ST3GAL2: variants seen among roughly 807,000 people sequenced by gnomAD.
The protein encoded by ST3GAL2 is CMP-N-acetylneuraminate-beta-galactosamide-alpha-2,3-sialyltransferase 2.
A neutral mutation model predicts 37.5 loss-of-function variants in ST3GAL2; 16 were observed. That is an observed-to-expected ratio of 0.43 (90% CI 0.29 to 0.65). ST3GAL2 has a LOEUF of 0.65. Among genes scored for constraint, ST3GAL2 ranks in the 30% least tolerant of loss-of-function variants. The pLI is 0.17. For missense variants in ST3GAL2, 383 were observed against 487.8 expected, an observed-to-expected ratio of 0.79 and a Z score of 2.02; for synonymous variants, 238 against 202.9, an observed-to-expected ratio of 1.17 and a Z score of -1.47.
At chr16:70,414,524 C>G (rs2151671275) in intron 1 of ST3GAL2, among the ~76,000 whole-genome samples, 1 of 152,332 alleles carries the variant, frequency 6.6e-6, no homozygotes, top group East Asian at 1.9e-4. Flanking sequence ...GATGGAAGGC[C>G]CATCTGACTC....
chr16:70,413,558 T>TAAAA (rs2047654099), intron 1 of ST3GAL2, among the ~76,000 whole-genome samples: 2 of 15,366 alleles, frequency 1.3e-4, no homozygotes, highest in African/African-American at 4.4e-4. Flanking sequence ...CTATCAAAAA[T>TAAAA]ACAAAAAAAA....
At chr16:70,428,574 C>T (rs1464780140) in intron 1 of ST3GAL2, among the ~76,000 whole-genome samples, 2 of 152,226 alleles carry the variant, frequency 1.3e-5, no homozygotes, top group Non-Finnish European at 2.9e-5. Context: ...TGGGGCCCAT[C>T]TCTCCCCAGA....
intron 4 of ST3GAL2, among the ~76,000 whole-genome samples, chr16:70,386,348 C>T (rs965806524): frequency 4.6e-5 from 7 of 152,146 alleles, no homozygotes; most frequent in Admixed American, 6.5e-5. Context: ...CCACCACGGC[C>T]GGCTAATTTT....
chr16:70,389,200 T>TCCA (rs2047464511), intron 3 of ST3GAL2, among the ~76,000 whole-genome samples: 1 of 16,846 alleles, frequency 5.9e-5, no homozygotes, highest in Non-Finnish European at 1.5e-4. Context: ...ACCCCATCTC[T>TCCA]ACAAAAAAAA....
At chr16:70,419,880 A>T (rs1372185418) in intron 1 of ST3GAL2, among the ~76,000 whole-genome samples, 1 of 152,042 alleles carries the variant, frequency 6.6e-6, no homozygotes, top group Non-Finnish European at 1.5e-5. Flanking sequence ...CGCCAGAACC[A>T]CTGGGGCCAG....
intron 1 of ST3GAL2, among the ~76,000 whole-genome samples, chr16:70,437,687 C>T (rs950593385): frequency 2.0e-5 from 3 of 152,198 alleles, no homozygotes; most frequent in African/African-American, 4.8e-5. Flanking sequence ...GCAGGCATCC[C>T]TCCCTGAAAG....
chr16:70,434,079 C>T (rs968814629), intron 1 of ST3GAL2, among the ~76,000 whole-genome samples: 3 of 152,152 alleles, frequency 2.0e-5, no homozygotes, highest in African/African-American at 4.8e-5. Flanking sequence ...TTATCCCCCT[C>T]CCAGGAACAG....
At chr16:70,404,277 A>G (rs1052257052) in intron 1 of ST3GAL2, among the ~76,000 whole-genome samples, 1 of 152,234 alleles carries the variant, frequency 6.6e-6, no homozygotes, top group Non-Finnish European at 1.5e-5. Flanking sequence ...ACAGCCCTGC[A>G]TCTGGGAAGC....
In ST3GAL2 at chr16:70,410,808, G is replaced by GTT. The variant is rs35994886; in HGVS notation, c.-1003-11277_-1003-11276dup. Among the ~76,000 whole-genome samples the GTT allele has an allele frequency of 1.5e-3, 157 of 103,194 alleles. 3 individuals carry two copies. The highest frequency in any genetic ancestry group is 0.014 in the East Asian group (52 of 3,596). 67.7% of individuals were successfully genotyped at this position (103,194 alleles called of 152,430 possible). A position where few individuals can be genotyped will look rare whatever the true frequency, so the allele number is the denominator to read the frequency against. ...AAAATTAAAAGCCCATTTAGATCCT[G>GTT]TTTTTTTTTTTTTTTTTTGTCTCTG... On this transcript the variant is annotated intron_variant, in intron 1 of 6. Transcript: ENST00000342907.
In ST3GAL2 at chr16:70,392,822, T is replaced by C. The variant is rs533885464; in HGVS notation, c.533+2160A>G. 4.6e-5 allele frequency among the ~76,000 whole-genome samples: 7 copies of C among 152,266 alleles called. No individual in the cohort carries two copies. In the East Asian group the frequency reaches 9.6e-4, roughly 21 times the overall value. On this transcript the variant is annotated intron_variant, in intron 3 of 6. Coordinates refer to ENST00000342907, the MANE Select transcript of ST3GAL2 (RefSeq NM_006927.4). The stretch of plus-strand genomic sequence containing the variant: ...GTTTTTGAGATAGGGTCTTGCTCTG[T>C]TGCCCAGGCTGGAGTGCAGTGGTGC...
At chr16:70,424,259 T>G (rs1450228584) in intron 1 of ST3GAL2, among the ~76,000 whole-genome samples, 1 of 140,684 alleles carries the variant, frequency 7.1e-6, no homozygotes, top group Non-Finnish European at 1.5e-5. Context: ...CCTCCCAAAG[T>G]GCTGGGATTA....
Position 70,377,223 on chromosome 16 carries a change from T to TGTAA in ST3GAL2, c.*4462_*4465dup, listed in dbSNP as rs1173887523. The stretch of plus-strand genomic sequence containing the variant: ...AAAAAAGGGTCTGGTGGCTCACGCC[T>TGTAA]GTAATCCTACCATTTGGGAGGCCAA... On this transcript the variant is annotated 3_prime_UTR_variant, in exon 7 of 7. Transcript: ENST00000342907. 7.0e-6 allele frequency: 1 copy of TGTAA among 143,524 alleles called. No individual in the cohort carries two copies. Among genetic ancestry groups the TGTAA allele is most frequent in the African/African-American group, 2.7e-5 (1 of 37,418 alleles). The allele number at this position is 143,524 out of a possible 1,614,324, so 8.9% of individuals were successfully genotyped here.
At chr16:70,397,186 A>G (rs895625024) in intron 2 of ST3GAL2, among the ~76,000 whole-genome samples, 4 of 151,234 alleles carry the variant, frequency 2.6e-5, no homozygotes, top group Non-Finnish European at 4.4e-5. Context: ...GATTACAGGC[A>G]CGCACCACCA....
At position 70,378,699 on chromosome 16, in the gene ST3GAL2, CAAAAA is replaced by C. The variant is rs573703172; in HGVS notation, c.*2985_*2989del. ...CCTGGGCGAGAGTGAGAATCAGTCT[CAAAAA>C]AAAAAAATCGGCCAGGCACACTGGC... On this transcript the variant is annotated 3_prime_UTR_variant, in exon 7 of 7. Transcript: ENST00000342907. 2.2e-5 allele frequency: 2 copies of C among 90,408 alleles called. No individual in the cohort carries two copies. The highest frequency in any genetic ancestry group is 7.8e-4 in the South Asian group (2 of 2,568). 5.6% of individuals were successfully genotyped at this position (90,408 alleles called of 1,614,324 possible).
intron 3 of ST3GAL2, 126 bp downstream of exon 3, chr16:70,394,856 T>TG: frequency 1.9e-6 from 2 of 1,078,594 alleles, no homozygotes; most frequent in Non-Finnish European, 2.7e-6. Flanking sequence ...TGAAAGACTC[T>TG]GGGAGGCAGG....
At chr16:70,419,499 A>T (rs746078071) in intron 1 of ST3GAL2, among the ~76,000 whole-genome samples, 36 of 152,290 alleles carry the variant, frequency 2.4e-4, no homozygotes, top group Non-Finnish European at 4.6e-4. Context: ...ATAGGCACAA[A>T]GGCCCTCTGC....
At chr16:70,433,272 T>C (rs1381739499) in intron 1 of ST3GAL2, among the ~76,000 whole-genome samples, 2 of 152,084 alleles carry the variant, frequency 1.3e-5, no homozygotes, top group Non-Finnish European at 2.9e-5. Flanking sequence ...TTGGACTCTA[T>C]CTAGTTCTCC....
chr16:70,377,712 A>G lies in ST3GAL2; in HGVS notation c.*3977T>C. The G allele has an allele frequency of 6.6e-6, 1 of 152,266 alleles. No homozygotes were observed. Among genetic ancestry groups the G allele is most frequent in the Non-Finnish European group, 1.5e-5 (1 of 68,116 alleles). The allele number at this position is 152,266 out of a possible 1,614,324, so 9.4% of individuals were successfully genotyped here. On this transcript the variant is annotated 3_prime_UTR_variant, in exon 7 of 7. Coordinates refer to ENST00000342907, the MANE Select transcript of ST3GAL2 (RefSeq NM_006927.4). ...GTGGTGCGCATCTGTAATCCCAGCT[A>G]TTTGGGTGGCTGAGGCAGGAGAATC...
chr16:70,393,649 C>A (rs561747880), intron 3 of ST3GAL2: 1 of 152,408 alleles, frequency 6.6e-6, no homozygotes, highest in Non-Finnish European at 1.5e-5. Context: ...CCTCTAAGAC[C>A]AGCTCCCATC....
Sources: allele counts gnomAD v4.1 joint callset (sites outside exome capture counted in the v4.1 genomes callset), GRCh38; gene constraint gnomAD v4.1.1; transcripts MANE v1.5; gene names NCBI Gene and HGNC (gene_info 2026-07-23, HGNC 2026-07-21).